The following SCAPER variants were observed in gnomAD, a reference collection of about 807,000 sequenced individuals.
SCAPER encodes the protein S phase cyclin A-associated protein in the endoplasmic reticulum.
In SCAPER, 98 loss-of-function variants were observed where a neutral mutation model predicts 182.2. That is an observed-to-expected ratio of 0.54 (90% CI 0.46 to 0.64). SCAPER has a LOEUF of 0.64. Ranked by LOEUF, SCAPER falls within the 30% of genes least tolerant of loss-of-function variation. SCAPER has a pLI of 0.00. For synonymous variants in SCAPER, 605 were observed against 564.6 expected (o/e 1.07, Z -1.01); for missense variants, 1,432 against 1,690.0 (o/e 0.85, Z 2.68).
At chr15:76,522,761 C>G (rs1597180460) in intron 23 of SCAPER, among the ~76,000 whole-genome samples, 1 of 151,958 alleles carries the variant, frequency 6.6e-6, no homozygotes, top group Non-Finnish European at 1.5e-5. Context: ...AGCTCTGTGA[C>G]TATACTAAAA....
chr15:76,825,889 C>T (rs911753942), intron 5 of SCAPER, among the ~76,000 whole-genome samples: 5 of 152,240 alleles, frequency 3.3e-5, no homozygotes, highest in East Asian at 1.9e-4. Flanking sequence ...GGACTATAGA[C>T]GCACACCACC....
chr15:76,633,968 G>A (rs1256652910), intron 21 of SCAPER, among the ~76,000 whole-genome samples: 1 of 152,184 alleles, frequency 6.6e-6, no homozygotes, highest in Non-Finnish European at 1.5e-5. Flanking sequence ...CCTTCCCATG[G>A]AGTGGATGGA....
chr15:76,530,413 T>TG (rs1173135142), intron 23 of SCAPER, among the ~76,000 whole-genome samples: 3 of 152,192 alleles, frequency 2.0e-5, no homozygotes, highest in Non-Finnish European at 4.4e-5. Flanking sequence ...AAGAGTAGTG[T>TG]GCACAGTCAC....
intron 29 of SCAPER, among the ~76,000 whole-genome samples, chr15:76,371,497 T>G (rs1207062836): frequency 6.6e-6 from 1 of 151,726 alleles, no homozygotes; most frequent in African/African-American, 2.4e-5. Context: ...TTTTTGTGTT[T>G]GTAGTAGAGA....
At chr15:76,515,533 C>T (rs202023744) in intron 23 of SCAPER, among the ~76,000 whole-genome samples, 1 of 152,112 alleles carries the variant, frequency 6.6e-6, no homozygotes, top group Admixed American at 6.6e-5. Context: ...GTTATATAGA[C>T]AAGAGCCAGT....
At chr15:76,679,488 C>T (rs564818925) in intron 20 of SCAPER, among the ~76,000 whole-genome samples, 1 of 152,318 alleles carries the variant, frequency 6.6e-6, no homozygotes, top group East Asian at 1.9e-4. Flanking sequence ...ATGGCAATGA[C>T]AACTTCTGAA....
At chr15:76,430,976 G>A (rs1430273325) in intron 26 of SCAPER, among the ~76,000 whole-genome samples, 1 of 152,116 alleles carries the variant, frequency 6.6e-6, no homozygotes, top group East Asian at 1.9e-4. Flanking sequence ...CTGTTCTCGT[G>A]ATAGTGAATA....
chr15:76,611,116 A>C (rs1211777890), intron 22 of SCAPER, among the ~76,000 whole-genome samples: 9 of 152,166 alleles, frequency 5.9e-5, no homozygotes, highest in African/African-American at 2.2e-4. Flanking sequence ...CCACACATTC[A>C]CAGTCAATTG....
At chr15:76,556,296 AACC>A (rs1242880246) in intron 23 of SCAPER, among the ~76,000 whole-genome samples, 1 of 152,192 alleles carries the variant, frequency 6.6e-6, no homozygotes, top group East Asian at 1.9e-4. Context: ...TTATAGCGTT[AACC>A]TACCACCACA....
chr15:76,505,079 A>G, intron 23 of SCAPER, 105 bp from the exon 24 acceptor site: 2 of 773,864 alleles, frequency 2.6e-6, no homozygotes, highest in South Asian at 3.5e-5. Context: ...CTATTCTACA[A>G]ATATTATTTT....
intron 27 of SCAPER, among the ~76,000 whole-genome samples, chr15:76,394,500 C>T (rs2043919503): frequency 6.6e-6 from 1 of 152,140 alleles, no homozygotes; most frequent in Non-Finnish European, 1.5e-5. Flanking sequence ...TGATACCATA[C>T]ACAAAAAGAG....
chr15:76,395,293 G>A (rs978244740), intron 27 of SCAPER, among the ~76,000 whole-genome samples: 10 of 152,184 alleles, frequency 6.6e-5, no homozygotes, highest in African/African-American at 2.4e-4. Flanking sequence ...ATTGGGAACA[G>A]TGCTGCAACA....
At chr15:76,675,245 CAAAT>C (rs2057296665) in intron 20 of SCAPER, among the ~76,000 whole-genome samples, 1 of 152,074 alleles carries the variant, frequency 6.6e-6, no homozygotes. Context: ...TTTGGCTTGC[CAAAT>C]AAGTAGATGA....
intron 23 of SCAPER, among the ~76,000 whole-genome samples, chr15:76,528,557 T>C (rs1416416080): frequency 6.6e-6 from 1 of 152,234 alleles, no homozygotes; most frequent in Non-Finnish European, 1.5e-5. Flanking sequence ...TCACAGCCAA[T>C]ATTGATTTAG....
At chr15:76,371,771 A>G (rs2042194940) in intron 29 of SCAPER, among the ~76,000 whole-genome samples, 1 of 151,686 alleles carries the variant, frequency 6.6e-6, no homozygotes, top group South Asian at 2.1e-4. Flanking sequence ...ATACAAAATT[A>G]GCCGGGCGTG....
At chr15:76,371,563 C>G (rs111589763) in intron 29 of SCAPER, among the ~76,000 whole-genome samples, 59,901 of 150,976 alleles carry the variant, frequency 0.4, 14,148 homozygotes, top group Middle Eastern at 0.55. Context: ...TGTGATCCGC[C>G]CACCCCGGCC....
chr15:76,634,044 C>T (rs1597826224), intron 21 of SCAPER, among the ~76,000 whole-genome samples: 1 of 152,360 alleles, frequency 6.6e-6, no homozygotes, highest in South Asian at 2.1e-4. Flanking sequence ...AGTGCCTACT[C>T]GAGCAGCCGC....
intron 2 of SCAPER, among the ~76,000 whole-genome samples, chr15:76,874,566 G>C (rs1243049800): frequency 1.3e-5 from 2 of 151,586 alleles, no homozygotes; most frequent in Non-Finnish European, 2.9e-5. Context: ...GTAAAAACAA[G>C]AGCAGGCAAA....
intron 23 of SCAPER, among the ~76,000 whole-genome samples, chr15:76,529,171 G>A (rs890182784): frequency 6.6e-6 from 1 of 152,110 alleles, no homozygotes; most frequent in Non-Finnish European, 1.5e-5. Flanking sequence ...AGCCTCCCAA[G>A]TAGCTGGGAT....
Sources: gnomAD v4.1 joint callset for allele counts (sites outside exome capture counted in the v4.1 genomes callset) on GRCh38, gnomAD v4.1.1 for gene constraint, MANE v1.5 for transcripts, NCBI Gene and HGNC (gene_info 2026-07-23, HGNC 2026-07-21) for gene names.